SPAG16: variants seen among roughly 807,000 people sequenced by gnomAD.
SPAG16 encodes sperm associated antigen 16.
In SPAG16, 86 loss-of-function variants were observed where a neutral mutation model predicts 80.4. The ratio of observed to expected loss-of-function variants is 1.07; its 90% CI spans 0.90 to 1.28. The LOEUF is 1.28. SPAG16 is among the 50% of genes most tolerant of loss of function. SPAG16 has a pLI of 0.00. For synonymous variants in SPAG16, 294 were observed against 265.9 expected (o/e 1.11, Z -1.03); for missense variants, 870 against 765.3 (o/e 1.14, Z -1.61).
chr2:214,034,852 C>T (rs1483952731), intron 13 of SPAG16, among the ~76,000 whole-genome samples: 2 of 152,204 alleles, frequency 1.3e-5, no homozygotes, highest in African/African-American at 4.8e-5. Flanking sequence ...TGCAACATGG[C>T]AAGCAAGGGC....
intron 10 of SPAG16, among the ~76,000 whole-genome samples, chr2:213,762,572 A>G (rs1029904555): frequency 2.0e-5 from 3 of 152,238 alleles, no homozygotes; most frequent in African/African-American, 7.2e-5. Context: ...TGAATTTGGA[A>G]AAACTGGTTA....
In SPAG16 at chr2:214,047,696, A is replaced by G. The variant is rs74713625; in HGVS notation, c.1527+33619A>G. Among the ~76,000 whole-genome samples, 1,179 of 152,262 alleles carry G rather than the reference A, an allele frequency of 7.7e-3. 8 individuals are homozygous for G. The highest frequency in any genetic ancestry group is 0.027 in the Middle Eastern group (8 of 294). On this transcript the variant is annotated intron_variant, in intron 13 of 15. Coordinates refer to ENST00000331683, the MANE Select transcript of SPAG16 (RefSeq NM_024532.5). ...GCGAAGCAAACATGGATAAACAGGA[A>G]CACATCATGTTAAAAAGCTTCTACC... is the stretch of plus-strand genomic sequence containing the variant.
intron 10 of SPAG16, among the ~76,000 whole-genome samples, chr2:213,746,445 C>T (rs2067826980): frequency 6.6e-6 from 1 of 152,164 alleles, no homozygotes; most frequent in Non-Finnish European, 1.5e-5. Flanking sequence ...TGTGTTAGTG[C>T]AAGGCAATAC....
chr2:214,030,161 T>A (rs1366511747), intron 13 of SPAG16, among the ~76,000 whole-genome samples: 2 of 152,162 alleles, frequency 1.3e-5, no homozygotes, highest in African/African-American at 4.8e-5. Context: ...TAGCAACCAC[T>A]ATTTTGTTTT....
At position 214,019,631 on chromosome 2, in the gene SPAG16, G is replaced by C. The variant is rs2047758466; in HGVS notation, c.1527+5554G>C. ...GGCTCCTGTTTGGTGCCAGACCCAT[G>C]TCTGCTCTACAGTTCATCCTGCACC... On this transcript the variant is annotated intron_variant, in intron 13 of 15. Transcript: ENST00000331683. 3.9e-5 allele frequency among the ~76,000 whole-genome samples: 6 copies of C among 152,158 alleles called. 1 individual carries two copies. The South Asian group carries it at 1.2e-3, about 31-fold the overall frequency.
chr2:213,490,937 T>C (rs1329482335), intron 10 of SPAG16, among the ~76,000 whole-genome samples: 1 of 152,210 alleles, frequency 6.6e-6, no homozygotes, highest in Non-Finnish European at 1.5e-5. Flanking sequence ...AACACATATA[T>C]TTTACCTATA....
At chr2:213,385,640 T>C (rs945547876) in intron 9 of SPAG16, among the ~76,000 whole-genome samples, 2 of 152,204 alleles carry the variant, frequency 1.3e-5, no homozygotes, top group Non-Finnish European at 2.9e-5. Context: ...TATTGTCTCA[T>C]AAGACAGAAG....
intron 11 of SPAG16, among the ~76,000 whole-genome samples, chr2:213,912,715 C>A (rs761710679): frequency 3.9e-5 from 6 of 152,060 alleles, no homozygotes; most frequent in Non-Finnish European, 8.8e-5. Context: ...AGACTCAGCC[C>A]CAGAATGTAC....
rs189694048 is a variant in SPAG16 at position 214,393,834 on chromosome 2, G to C, written c.1721-16306G>C. 1.9e-3 allele frequency among the ~76,000 whole-genome samples: 292 copies of C among 152,200 alleles called. 1 individual carries two copies. Among genetic ancestry groups the C allele is most frequent in the African/African-American group, 6.9e-3 (286 of 41,544 alleles). On this transcript the variant is annotated intron_variant, in intron 15 of 15. Transcript: ENST00000331683. ...ATTTGCTCTAAAAAATGTTTTGAAG[G>C]GTGAATATTGTGCTATTTTGAAGAG... is the stretch of plus-strand genomic sequence containing the variant.
At chr2:214,288,410 A>T (rs954120752) in intron 15 of SPAG16, among the ~76,000 whole-genome samples, 2 of 152,146 alleles carry the variant, frequency 1.3e-5, no homozygotes, top group Non-Finnish European at 2.9e-5. Flanking sequence ...TATCCCTTTG[A>T]TACACATATT....
chr2:213,352,758 A>G (rs910750381), intron 7 of SPAG16, among the ~76,000 whole-genome samples: 3 of 152,186 alleles, frequency 2.0e-5, no homozygotes, highest in African/African-American at 7.2e-5. Flanking sequence ...TTAGAGTTGA[A>G]TTTTGCACAC....
At chr2:213,876,149 C>A (rs1374050285) in intron 11 of SPAG16, among the ~76,000 whole-genome samples, 2 of 151,888 alleles carry the variant, frequency 1.3e-5, no homozygotes, top group Non-Finnish European at 2.9e-5. Context: ...TAAGCAAATG[C>A]AGACTTAATG....
intron 10 of SPAG16, among the ~76,000 whole-genome samples, chr2:213,623,135 AG>A (rs2125058611): frequency 6.6e-6 from 1 of 152,254 alleles, no homozygotes; most frequent in South Asian, 2.1e-4. Context: ...TCTGTCATGG[AG>A]GTTGCCATGT....
At chr2:214,347,041 A>G (rs1298303131) in intron 15 of SPAG16, among the ~76,000 whole-genome samples, 1 of 152,146 alleles carries the variant, frequency 6.6e-6, no homozygotes, top group African/African-American at 2.4e-5. Flanking sequence ...TTATAATAAA[A>G]CCAAAAGTAT....
chr2:213,633,669 C>T (rs903382676), intron 10 of SPAG16, among the ~76,000 whole-genome samples: 2 of 152,072 alleles, frequency 1.3e-5, no homozygotes, highest in African/African-American at 2.4e-5. Context: ...CTCTCTTTAG[C>T]TCTAATAATA....
intron 10 of SPAG16, among the ~76,000 whole-genome samples, chr2:213,704,889 T>A (rs759723457): frequency 1.3e-5 from 2 of 152,042 alleles, no homozygotes; most frequent in Non-Finnish European, 2.9e-5. Flanking sequence ...GGTAAGGGAA[T>A]GGTAGAATTT....
chr2:213,298,184 G>A (rs1046935540), intron 3 of SPAG16, among the ~76,000 whole-genome samples: 4 of 152,096 alleles, frequency 2.6e-5, no homozygotes, highest in African/African-American at 9.7e-5. Context: ...AGCTCTAGAG[G>A]AAGATTTTTT....
Position 213,605,169 on chromosome 2 carries a change from A to G in SPAG16, c.1070+115079A>G, listed in dbSNP as rs1221191312. Among the ~76,000 whole-genome samples the G allele has an allele frequency of 2.0e-5, 3 of 152,226 alleles. No homozygotes were observed. In the South Asian group the frequency reaches 6.2e-4, roughly 32 times the overall value. On this transcript the variant is annotated intron_variant, in intron 10 of 15. Coordinates refer to ENST00000331683, the MANE Select transcript of SPAG16 (RefSeq NM_024532.5). Reference sequence around the variant, plus strand: ...CATCAAGAATTAGTGACTTGTAGCCAATCACACTTTATATATGTCCACCCA... The same window carrying G: ...CATCAAGAATTAGTGACTTGTAGCCGATCACACTTTATATATGTCCACCCA...
intron 10 of SPAG16, among the ~76,000 whole-genome samples, chr2:213,796,156 T>C (rs1043041381): frequency 1.3e-5 from 2 of 152,184 alleles, no homozygotes; most frequent in African/African-American, 4.8e-5. Context: ...TTTGCATTTT[T>C]ATTTATATAT....
Sources: allele counts gnomAD v4.1 joint callset (sites outside exome capture counted in the v4.1 genomes callset), GRCh38; gene constraint gnomAD v4.1.1; transcripts MANE v1.5; gene names NCBI Gene and HGNC (gene_info 2026-07-23, HGNC 2026-07-21).